The following LAMA3 variants were observed in gnomAD, a reference collection of about 807,000 sequenced individuals.
The protein encoded by LAMA3 is laminin subunit alpha 3.
A neutral mutation model predicts 402.0 loss-of-function variants in LAMA3; 281 were observed. The ratio of observed to expected loss-of-function variants is 0.70; its 90% CI spans 0.63 to 0.77. The LOEUF is 0.77. Among genes scored for constraint, LAMA3 ranks in the 30% least tolerant of loss-of-function variants. The pLI is 0.00. For missense variants in LAMA3, 3,840 were observed against 4,215.5 expected (o/e 0.91, Z 2.47); for synonymous variants, 1,431 against 1,558.4 (o/e 0.92, Z 1.93).
intron 67 of LAMA3, among the ~76,000 whole-genome samples, chr18:23,935,565 C>T (rs117139191): frequency 0.022 from 3,414 of 152,248 alleles, 58 homozygotes; most frequent in Non-Finnish European, 0.035. Context: ...AGTCAGACTT[C>T]CTGGGTTTGC....
intron 12 of LAMA3, among the ~76,000 whole-genome samples, chr18:23,805,748 A>G (rs2144233552): frequency 6.6e-6 from 1 of 152,298 alleles, no homozygotes; most frequent in East Asian, 1.9e-4. Context: ...GAAAGAATAG[A>G]AAGATCTGAT....
rs376536240 is a variant in LAMA3, at chr18:23,943,845, G to A, written c.9084G>A (p.Thr3028=). 8 of 1,613,808 alleles carry A rather than the reference G, an allele frequency of 5.0e-6. No homozygotes were observed. In the African/African-American group the frequency reaches 6.7e-5, roughly 13 times the overall value. ...CCTCCAGAGGACTGGTGTTTCACACGGGCACTAAGAACTCCTTTATGGCTC... is the reference window on the plus strand; with the variant it reads ...CCTCCAGAGGACTGGTGTTTCACACAGGCACTAAGAACTCCTTTATGGCTC... ...TTSSRGLVFH[T]GTKNSFMALY... The change falls in exon 69 of 75, where the codon ACG becomes ACA. Residue 3028 remains threonine, a synonymous_variant. Transcript: ENST00000313654.
intron 62 of LAMA3, among the ~76,000 whole-genome samples, chr18:23,924,105 C>A (rs1033553624): frequency 2.6e-5 from 4 of 152,126 alleles, no homozygotes; most frequent in Admixed American, 2.6e-4. Context: ...TCCTCCCACC[C>A]CCAGAATTCT....
intron 1 of LAMA3, among the ~76,000 whole-genome samples, chr18:23,706,597 C>T (rs1192990961): frequency 1.3e-5 from 2 of 152,108 alleles, no homozygotes; most frequent in Non-Finnish European, 2.9e-5. Context: ...ATATGTGTTT[C>T]CTCTTCTGTG....
At chr18:23,917,989 A>G (rs540294575) in intron 60 of LAMA3, among the ~76,000 whole-genome samples, 1 of 152,186 alleles carries the variant, frequency 6.6e-6, no homozygotes, top group East Asian at 1.9e-4. Context: ...TGTCTAGAAT[A>G]GGTTTTCTTC....
At chr18:23,931,023 T>C in intron 64 of LAMA3, 39 bp from the exon 65 acceptor site, 3 of 1,579,704 alleles carry the variant, frequency 1.9e-6, no homozygotes, top group Admixed American at 1.7e-5. Flanking sequence ...AATCCTTATA[T>C]GCAAATTAGT....
chr18:23,725,146 G>A (rs561529521), intron 2 of LAMA3, among the ~76,000 whole-genome samples: 3 of 144,632 alleles, frequency 2.1e-5, no homozygotes, highest in Non-Finnish European at 3.0e-5. Context: ...GTCTTGCTTT[G>A]TCACCCAGGC....
intron 1 of LAMA3, among the ~76,000 whole-genome samples, chr18:23,711,632 T>C (rs944145408): frequency 3.3e-5 from 5 of 152,240 alleles, no homozygotes; most frequent in Admixed American, 3.3e-4. Flanking sequence ...ACTCTGGACT[T>C]AGGTCCTGAT....
At chr18:23,747,281 A>G (rs1047923148) in intron 2 of LAMA3, among the ~76,000 whole-genome samples, 1 of 152,200 alleles carries the variant, frequency 6.6e-6, no homozygotes, top group Non-Finnish European at 1.5e-5. Context: ...CACATGAGGC[A>G]CCATGGAGTT....
At chr18:23,902,183 G>A (rs2081094144) in intron 48 of LAMA3, among the ~76,000 whole-genome samples, 1 of 152,032 alleles carries the variant, frequency 6.6e-6, no homozygotes, top group South Asian at 2.1e-4. Flanking sequence ...AAAATTAGCT[G>A]GTCATAGTGG....
chr18:23,860,032 A>T (rs538986411), intron 34 of LAMA3, among the ~76,000 whole-genome samples: 1 of 152,306 alleles, frequency 6.6e-6, no homozygotes, highest in East Asian at 1.9e-4. Flanking sequence ...GACTAAGACC[A>T]ATTACTATGG....
intron 37 of LAMA3, among the ~76,000 whole-genome samples, chr18:23,870,379 C>T (rs2064482690): frequency 6.6e-6 from 1 of 152,052 alleles, no homozygotes; most frequent in South Asian, 2.1e-4. Context: ...CCCTTCAGCC[C>T]TCTTGGTGGG....
At chr18:23,889,920 A>G in intron 41 of LAMA3, 91 bp from the exon 42 acceptor site, 1 of 951,092 alleles carries the variant, frequency 1.1e-6, no homozygotes, top group Admixed American at 1.7e-5. Context: ...GGGTTACAAT[A>G]TCCCAAACAG....
intron 38 of LAMA3, chr18:23,873,246 A>G (rs780478241): frequency 6.4e-7 from 1 of 1,571,470 alleles, no homozygotes; most frequent in Non-Finnish European, 8.8e-7. Context: ...GGTTTGTGAT[A>G]GGGAAGAGTT....
intron 55 of LAMA3, among the ~76,000 whole-genome samples, chr18:23,911,098 A>T (rs1307420632): frequency 1.5e-5 from 2 of 137,180 alleles, no homozygotes; most frequent in Non-Finnish European, 3.0e-5. Context: ...ATCTTAATTT[A>T]AAAAATTTAA....
At chr18:23,864,657 C>T in intron 35 of LAMA3, 128 bp from the exon 36 acceptor site, 1 of 709,340 alleles carries the variant, frequency 1.4e-6, no homozygotes, top group Non-Finnish European at 2.6e-6. Flanking sequence ...CTCCTAGATA[C>T]AACCCTTGTT....
intron 12 of LAMA3, among the ~76,000 whole-genome samples, chr18:23,791,108 C>A (rs956542038): frequency 6.6e-6 from 1 of 152,072 alleles, no homozygotes; most frequent in African/African-American, 2.4e-5. Context: ...AATCTCCTGA[C>A]CTCGTGATCC....
chr18:23,887,623 T>C (rs2080481914), intron 41 of LAMA3, among the ~76,000 whole-genome samples: 1 of 152,212 alleles, frequency 6.6e-6, no homozygotes, highest in East Asian at 1.9e-4. Flanking sequence ...CACCCAGACA[T>C]CATTCCTGGC....
rs1290033772 is a variant in LAMA3 at position 23,757,994 on chromosome 18, T to C, written c.948-402T>C. Among the ~76,000 whole-genome samples the C allele has an allele frequency of 3.3e-5, 5 of 152,288 alleles. No homozygotes were observed. The East Asian group carries it at 5.8e-4, about 18-fold the overall frequency. On this transcript the variant is annotated intron_variant, in intron 6 of 74. Transcript: ENST00000313654. ...CTTGAGCAGATCTTAGTCGTAGGACTCCAGATCTTTATGCAGGTGTGATAC... is the reference window on the plus strand; with the variant it reads ...CTTGAGCAGATCTTAGTCGTAGGACCCCAGATCTTTATGCAGGTGTGATAC...
Sources: allele counts gnomAD v4.1 joint callset (sites outside exome capture counted in the v4.1 genomes callset), GRCh38; gene constraint gnomAD v4.1.1; transcripts MANE v1.5; gene names NCBI Gene and HGNC (gene_info 2026-07-23, HGNC 2026-07-21).